Variants in THOC1 observed in about 807,000 individuals in gnomAD.
The protein encoded by THOC1 is THO complex 1.
THOC1 carries 29 observed loss-of-function variants against 97.3 expected under a neutral mutation model. The ratio of observed to expected loss-of-function variants is 0.30; its 90% CI spans 0.22 to 0.41. The LOEUF (loss-of-function observed/expected upper bound fraction) is 0.41, where lower values mean the gene tolerates loss of function less well. THOC1 is among the 10% of genes least tolerant of loss of function. The pLI is 1.00. For missense variants in THOC1, 529 were observed against 761.9 expected (o/e 0.69, Z 3.60); for synonymous variants, 255 against 257.0 (o/e 0.99, Z 0.07).
intron 16 of THOC1, 68 bp from the exon 17 acceptor site, chr18:223,573 C>G (rs371378283): frequency 5.9e-5 from 73 of 1,230,688 alleles, no homozygotes; most frequent in Non-Finnish European, 7.6e-5. Flanking sequence ...TGAAACTGAA[C>G]AGAAAAACAA....
chr18:247,093 T>C (rs1226924073), intron 10 of THOC1, among the ~76,000 whole-genome samples: 4 of 152,144 alleles, frequency 2.6e-5, no homozygotes, highest in Non-Finnish European at 5.9e-5. Flanking sequence ...TTCCACCAAA[T>C]TCTGTCCAGT....
intron 18 of THOC1, among the ~76,000 whole-genome samples, chr18:217,988 A>G (rs964309608): frequency 2.0e-5 from 3 of 152,188 alleles, no homozygotes; most frequent in Non-Finnish European, 4.4e-5. Context: ...GATTTTAAGC[A>G]GATTAGACTT....
rs181508612 is a variant in THOC1 at position 267,303 on chromosome 18, T to G, written c.54+663A>C. On this transcript the variant is annotated intron_variant, in intron 1 of 20. Transcript: ENST00000261600. The stretch of plus-strand genomic sequence containing the variant: ...TTGGGGGGTGTCAGCTTCTACCTCA[T>G]GTACCAGGAATAACCAACTTAGCCT... Among the ~76,000 whole-genome samples the G allele has an allele frequency of 1.0e-3, 158 of 152,290 alleles. 1 individual carries two copies. The highest frequency in any genetic ancestry group is 3.8e-3 in the African/African-American group (156 of 41,558).
At chr18:241,969 G>A (rs144244507) in intron 11 of THOC1, among the ~76,000 whole-genome samples, 1 of 152,122 alleles carries the variant, frequency 6.6e-6, no homozygotes, top group Non-Finnish European at 1.5e-5. Context: ...AGTAACCCTG[G>A]ATTATTTTGC....
intron 11 of THOC1, among the ~76,000 whole-genome samples, chr18:231,744 A>G (rs764710050): frequency 6.6e-6 from 1 of 152,092 alleles, no homozygotes; most frequent in Non-Finnish European, 1.5e-5. Flanking sequence ...TATGGTAACC[A>G]CTACCATGTA....
At chr18:236,609 C>T (rs900725542) in intron 11 of THOC1, among the ~76,000 whole-genome samples, 3 of 151,942 alleles carry the variant, frequency 2.0e-5, no homozygotes, top group African/African-American at 4.8e-5. Flanking sequence ...GTGATCCGCC[C>T]GCCTCGGCCT....
intron 17 of THOC1, among the ~76,000 whole-genome samples, chr18:220,507 T>C (rs1043035558): frequency 1.3e-5 from 2 of 151,976 alleles, no homozygotes; most frequent in Admixed American, 6.5e-5. Flanking sequence ...ATAGAGTGAC[T>C]GTGCCATCAG....
intron 3 of THOC1, chr18:264,866 A>G (rs559917486): frequency 2.7e-4 from 41 of 154,288 alleles, no homozygotes; most frequent in African/African-American, 9.4e-4. Context: ...TCTCTACCGA[A>G]GTTGGAGAGC....
At chr18:215,372 C>G in intron 20 of THOC1, 57 bp downstream of exon 20, 1 of 1,361,002 alleles carries the variant, frequency 7.3e-7, no homozygotes, top group Non-Finnish European at 1.0e-6. Context: ...TACCTATCAA[C>G]AAAGAACCCC....
chr18:241,446 C>G (rs1005678108), intron 11 of THOC1, among the ~76,000 whole-genome samples: 5 of 152,122 alleles, frequency 3.3e-5, no homozygotes, highest in Admixed American at 6.5e-5. Context: ...AGAGACCAAG[C>G]AAAATTGTGA....
At chr18:221,376 A>G (rs1911071488) in intron 17 of THOC1, among the ~76,000 whole-genome samples, 1 of 152,072 alleles carries the variant, frequency 6.6e-6, no homozygotes. Flanking sequence ...ATTTTTGAGA[A>G]CACATTCTTA....
chr18:226,764 A>T (rs1401574355), intron 12 of THOC1, 37 bp downstream of exon 12: 2 of 1,484,342 alleles, frequency 1.3e-6, no homozygotes, highest in Admixed American at 2.0e-5. Flanking sequence ...TTTCTTGGCT[A>T]CTGTTTACAA....
intron 7 of THOC1, among the ~76,000 whole-genome samples, chr18:256,200 A>AC (rs34274608): frequency 0.63 from 95,533 of 152,022 alleles, 30,201 homozygotes; most frequent in South Asian, 0.76. Context: ...GGCTATAGCT[A>AC]CATAGTGATT....
chr18:260,174 T>A lies in THOC1; in HGVS notation c.375+12A>T. The A allele has an allele frequency of 6.7e-7, 1 of 1,483,354 alleles. No individual in the cohort carries two copies. Among genetic ancestry groups the A allele is most frequent in the Non-Finnish European group, 9.1e-7 (1 of 1,099,378 alleles). 91.9% of individuals were successfully genotyped at this position (1,483,354 alleles called of 1,614,324 possible). A position where few individuals can be genotyped will look rare whatever the true frequency, so the allele number is the denominator to read the frequency against. ...AGATAAAGTTAGCAGGAAAAGAAAC[T>A]AAGGCACTTACTGATTTCCAAGTAG... On this transcript the variant is annotated intron_variant, in intron 5 of 20. Transcript: ENST00000261600.
At chr18:238,682 T>C (rs1911794366) in intron 11 of THOC1, among the ~76,000 whole-genome samples, 1 of 152,222 alleles carries the variant, frequency 6.6e-6, no homozygotes, top group African/African-American at 2.4e-5. Flanking sequence ...ACCACTGTTG[T>C]ACATGGGGTC....
chr18:231,680 T>C (rs1911490023), intron 11 of THOC1, among the ~76,000 whole-genome samples: 1 of 152,208 alleles, frequency 6.6e-6, no homozygotes, highest in Non-Finnish European at 1.5e-5. Context: ...TCATAGACAT[T>C]GTTGAAGCTC....
chr18:259,591 A>G (rs894490684), intron 6 of THOC1, 91 bp downstream of exon 6: 1 of 973,806 alleles, frequency 1.0e-6, no homozygotes, highest in African/African-American at 1.7e-5. Context: ...ATCTATCTTT[A>G]AAATGTTATC....
chr18:225,619 G>T, intron 12 of THOC1: 2 of 519,080 alleles, frequency 3.9e-6, no homozygotes, highest in Non-Finnish European at 6.8e-6. Flanking sequence ...GCATATGCAG[G>T]GAATAAAACA....
chr18:221,749 C>T (rs1283784137), intron 17 of THOC1, among the ~76,000 whole-genome samples: 1 of 151,978 alleles, frequency 6.6e-6, no homozygotes, highest in Non-Finnish European at 1.5e-5. Flanking sequence ...GCTGAGACTA[C>T]AGGCGCCTGC....
Sources: allele counts gnomAD v4.1 joint callset (sites outside exome capture counted in the v4.1 genomes callset), GRCh38; gene constraint gnomAD v4.1.1; transcripts MANE v1.5; gene names NCBI Gene and HGNC (gene_info 2026-07-23, HGNC 2026-07-21).